Variants in ODAD2 observed in about 807,000 individuals in gnomAD.
ODAD2 encodes outer dynein arm-docking complex subunit 2.
A neutral mutation model predicts 106.8 loss-of-function variants in ODAD2; 89 were observed. The ratio of observed to expected loss-of-function variants is 0.83; its 90% CI spans 0.70 to 0.99. ODAD2 has a LOEUF of 0.99. Ranked by LOEUF, ODAD2 falls within the 50% of genes least tolerant of loss-of-function variation. The pLI, the probability that ODAD2 is intolerant of heterozygous loss-of-function variation, is 0.00. For missense variants in ODAD2, 1,168 were observed against 1,238.5 expected, an observed-to-expected ratio of 0.94 and a Z score of 0.85; for synonymous variants, 404 against 436.2, an observed-to-expected ratio of 0.93 and a Z score of 0.92.
chr10:27,987,613 AT>A, intron 2 of ODAD2, 70 bp from the exon 3 acceptor site: 2 of 1,036,242 alleles, frequency 1.9e-6, no homozygotes, highest in Non-Finnish European at 2.8e-6. Context: ...AATTTAAGAC[AT>A]TTAGACAGAT....
chr10:27,919,741 T>C (rs1479787800), intron 16 of ODAD2, among the ~76,000 whole-genome samples: 1 of 152,130 alleles, frequency 6.6e-6, no homozygotes, highest in East Asian at 1.9e-4. Context: ...GTTAAACACA[T>C]ACTCTGTGAT....
chr10:27,858,018 G>A (rs1273976225), intron 19 of ODAD2, among the ~76,000 whole-genome samples: 1 of 152,200 alleles, frequency 6.6e-6, no homozygotes. Context: ...CACACATGTA[G>A]TTGTGACACA....
intron 7 of ODAD2, 86 bp downstream of exon 7, chr10:27,981,380 C>T: frequency 1.5e-6 from 2 of 1,318,450 alleles, no homozygotes; most frequent in South Asian, 4.2e-5. Flanking sequence ...CAAAAATAGG[C>T]AAAATTACTG....
At chr10:27,842,067 G>A (rs1445601287) in intron 19 of ODAD2, among the ~76,000 whole-genome samples, 2 of 152,102 alleles carry the variant, frequency 1.3e-5, no homozygotes, top group African/African-American at 4.8e-5. Flanking sequence ...ATTCTCCTTA[G>A]TTAAGATGCA....
At chr10:27,882,378 T>C (rs1841808536) in intron 17 of ODAD2, among the ~76,000 whole-genome samples, 1 of 152,164 alleles carries the variant, frequency 6.6e-6, no homozygotes, top group Non-Finnish European at 1.5e-5. Context: ...TTCTAAAATG[T>C]GTTGCTGTTA....
intron 17 of ODAD2, among the ~76,000 whole-genome samples, chr10:27,877,493 GTTTA>G (rs1841422370): frequency 1.3e-5 from 2 of 152,122 alleles, no homozygotes; most frequent in South Asian, 2.1e-4. Flanking sequence ...TCCCTCTGAA[GTTTA>G]TTTGTTTTGA....
At chr10:27,982,122 T>A (rs1307290885) in intron 6 of ODAD2, among the ~76,000 whole-genome samples, 1 of 152,130 alleles carries the variant, frequency 6.6e-6, no homozygotes, top group African/African-American at 2.4e-5. Context: ...CCTTTCCTCA[T>A]TTTCCTTTTC....
chr10:27,881,057 T>C (rs1386713132), intron 17 of ODAD2, among the ~76,000 whole-genome samples: 1 of 152,224 alleles, frequency 6.6e-6, no homozygotes, highest in Non-Finnish European at 1.5e-5. Context: ...ACTTAACTTC[T>C]CTAAGCTTCA....
intron 19 of ODAD2, among the ~76,000 whole-genome samples, chr10:27,858,518 C>T (rs1839815266): frequency 6.6e-6 from 1 of 152,174 alleles, no homozygotes; most frequent in Non-Finnish European, 1.5e-5. Flanking sequence ...CTGGGAAAGG[C>T]TCTAGAACAC....
chr10:27,819,738 C>T (rs1405174590), intron 19 of ODAD2, among the ~76,000 whole-genome samples: 2 of 151,674 alleles, frequency 1.3e-5, no homozygotes, highest in Non-Finnish European at 2.9e-5. Context: ...TTGCTGTGAC[C>T]TCAAAACCCA....
intron 19 of ODAD2, among the ~76,000 whole-genome samples, chr10:27,815,469 C>T (rs1291171670): frequency 1.3e-5 from 2 of 152,178 alleles, no homozygotes; most frequent in Admixed American, 6.5e-5. Context: ...CTTCAGCTCT[C>T]CTCTGAAATA....
At chr10:27,816,960 G>A (rs1468613780) in intron 19 of ODAD2, among the ~76,000 whole-genome samples, 1 of 152,134 alleles carries the variant, frequency 6.6e-6, no homozygotes, top group Non-Finnish European at 1.5e-5. Flanking sequence ...ATGTTGGCCA[G>A]GCTGATCTCT....
intron 1 of ODAD2, among the ~76,000 whole-genome samples, chr10:27,997,838 G>C (rs1850646128): frequency 6.6e-6 from 1 of 152,144 alleles, no homozygotes; most frequent in Non-Finnish European, 1.5e-5. Flanking sequence ...TTTGGCTTAA[G>C]AACCATAGTT....
intron 19 of ODAD2, among the ~76,000 whole-genome samples, chr10:27,820,662 T>C (rs1421977187): frequency 6.6e-6 from 1 of 152,198 alleles, no homozygotes; most frequent in African/African-American, 2.4e-5. Flanking sequence ...TTACTCTTTG[T>C]TGGGGAATTT....
chr10:27,965,055 T>C (rs1305605887), intron 9 of ODAD2, among the ~76,000 whole-genome samples: 4 of 152,132 alleles, frequency 2.6e-5, no homozygotes, highest in Admixed American at 1.3e-4. Context: ...CCAGGGAGTG[T>C]GTAGGCCAAG....
At chr10:27,849,871 A>G (rs1273923948) in intron 19 of ODAD2, among the ~76,000 whole-genome samples, 1 of 152,222 alleles carries the variant, frequency 6.6e-6, no homozygotes, top group Non-Finnish European at 1.5e-5. Flanking sequence ...ACTCTAAAAT[A>G]GGAGCTTGTG....
At chr10:27,961,252 TA>T (rs1848118799) in intron 10 of ODAD2, among the ~76,000 whole-genome samples, 1 of 152,200 alleles carries the variant, frequency 6.6e-6, no homozygotes, top group South Asian at 2.1e-4. Context: ...AGTCCAGCTT[TA>T]AAAATCCATG....
intron 17 of ODAD2, among the ~76,000 whole-genome samples, chr10:27,883,645 T>G (rs1297986129): frequency 1.3e-5 from 2 of 152,084 alleles, no homozygotes; most frequent in Non-Finnish European, 2.9e-5. Context: ...TAAAGGAAAC[T>G]ATGCCCCAAA....
chr10:27,897,911 G>A (rs937001042), intron 17 of ODAD2, among the ~76,000 whole-genome samples: 2 of 151,900 alleles, frequency 1.3e-5, no homozygotes, highest in African/African-American at 4.8e-5. Flanking sequence ...GAGAGAGGTG[G>A]GCTGGGTCAT....
Sources: gnomAD v4.1 joint callset for allele counts (sites outside exome capture counted in the v4.1 genomes callset) on GRCh38, gnomAD v4.1.1 for gene constraint, MANE v1.5 for transcripts, NCBI Gene and HGNC (gene_info 2026-07-23, HGNC 2026-07-21) for gene names.